Variants in KISS1 observed in about 807,000 individuals in gnomAD.
KISS1 encodes metastasis-suppressor KiSS-1.
For missense variants in KISS1, 182 were observed against 182.7 expected (o/e 1.00, Z 0.02); for synonymous variants, 97 against 88.7 (o/e 1.09, Z -0.52).
At chr1:204,191,034 TA>T (rs1658734928) in intron 2 of KISS1, among the ~76,000 whole-genome samples, 3 of 152,122 alleles carry the variant, frequency 2.0e-5, no homozygotes. Flanking sequence ...ATAACTCTCA[TA>T]TTACGTTACT....
chr1:204,190,426 C>CCCCCCCCCCT lies in KISS1; in HGVS notation c.*57_*58insAGGGGGGGGG. 1.1e-6 allele frequency: 1 copy of CCCCCCCCCCT among 950,718 alleles called. No individual in the cohort carries two copies. The highest frequency in any genetic ancestry group is 1.4e-5 in the South Asian group (1 of 72,320). 58.9% of individuals were successfully genotyped at this position (950,718 alleles called of 1,614,324 possible). ...GCCCTACGTCCCCGCCCCCCGCCCCCGCCCCGCATGCTCTGACTCCTTTGG... is the reference window on the plus strand; with the variant it reads ...GCCCTACGTCCCCGCCCCCCGCCCCCCCCCCCCCCTGCCCCGCATGCTCTGACTCCTTTGG... On this transcript the variant is annotated 3_prime_UTR_variant, in exon 3 of 3. Coordinates refer to ENST00000367194, the MANE Select transcript of KISS1 (RefSeq NM_002256.4).
intron 1 of KISS1, among the ~76,000 whole-genome samples, chr1:204,195,860 C>T (rs1658849839): frequency 6.6e-6 from 1 of 152,156 alleles, no homozygotes; most frequent in Admixed American, 6.5e-5. Context: ...TTTGTGGTTC[C>T]CTCCACCCTG....
At chr1:204,195,407 GCACA>G (rs1262167849) in intron 1 of KISS1, among the ~76,000 whole-genome samples, 1 of 30,760 alleles carries the variant, frequency 3.3e-5, no homozygotes, top group Non-Finnish European at 6.8e-5. Context: ...CACCACACAC[GCACA>G]CACACCACAC....
rs1342697704 is a variant in KISS1, at chr1:204,190,797, C to T, written c.104G>A (p.Gly35Asp). 11 of 1,610,326 alleles carry T rather than the reference C, an allele frequency of 6.8e-6. No homozygotes were observed. In the Admixed American group the frequency reaches 1.8e-4, roughly 27 times the overall value. ...VASVGNSRPT[G>D]QQLESLGLLA... ...GAGGCCCAGGGATTCTAGCTGCTGG[C>T]CTAGGACAGAGGGCACAGAAAGATG... Residue 35 changes from glycine to aspartate, a missense_variant and splice_region_variant, in exon 3 of 3, where the codon GGC becomes GAC. By Grantham distance (94) the Gly-to-Asp change is moderately conservative (BLOSUM62 -1). Transcript: ENST00000367194.
At chr1:204,191,125 T>C (rs1658736057) in intron 2 of KISS1, among the ~76,000 whole-genome samples, 1 of 152,238 alleles carries the variant, frequency 6.6e-6, no homozygotes, top group African/African-American at 2.4e-5. Context: ...TCTGGGCCCC[T>C]TCCTGGCTGT....
rs1208691824 is a variant in KISS1 at position 204,192,938 on chromosome 1, G to A, written c.-38-24C>T. ...GGCTGAGACAGAGAGAGGGAACAAA[G>A]ACTAGGTCAGGCACAGGATCTGGGC... On this transcript the variant is annotated intron_variant, in intron 1 of 2. Transcript: ENST00000367194. This position sits in a 1 kb window ranked among gnomAD's most constrained non-coding sequence, Gnocchi z 4.2. The A allele has an allele frequency of 1.1e-5, 12 of 1,137,610 alleles. No individual in the cohort carries two copies. Among genetic ancestry groups the A allele is most frequent in the African/African-American group, 1.5e-5 (1 of 65,186 alleles). The allele number at this position is 1,137,610 out of a possible 1,614,324, so 70.5% of individuals were successfully genotyped here. A position where few individuals can be genotyped will look rare whatever the true frequency, so the allele number is the denominator to read the frequency against.
In KISS1 at chr1:204,192,909, T is replaced by C; in HGVS notation, c.-33A>G. 2 of 1,430,172 alleles carry C rather than the reference T, an allele frequency of 1.4e-6. No individual in the cohort carries two copies. The allele number at this position is 1,430,172 out of a possible 1,614,324, so 88.6% of individuals were successfully genotyped here. ...AGAAGAGGCAGGTCCTAGAAGTGCC[T>C]TGAGGCTGAGACAGAGAGAGGGAAC... On this transcript the variant is annotated 5_prime_UTR_variant, in exon 2 of 3. Transcript: ENST00000367194. The surrounding 1 kb of genome is among the most constrained non-coding windows in gnomAD (Gnocchi z 4.2).
chr1:204,190,409 T>TTCCCCCCCCC lies in KISS1; in HGVS notation c.*74_*75insGGGGGGGGGA. ...CAGCGCCCCCTCCCTTAGCCCTACG[T>TTCCCCCCCCC]CCCCGCCCCCCGCCCCCGCCCCGCA... On this transcript the variant is annotated 3_prime_UTR_variant, in exon 3 of 3. Coordinates refer to ENST00000367194, the MANE Select transcript of KISS1 (RefSeq NM_002256.4). 4 of 570,134 alleles carry TTCCCCCCCCC rather than the reference T, an allele frequency of 7.0e-6. No homozygotes were observed. Among genetic ancestry groups the TTCCCCCCCCC allele is most frequent in the Admixed American group, 2.5e-5 (1 of 40,486 alleles). The allele number at this position is 570,134 out of a possible 1,614,324, so 35.3% of individuals were successfully genotyped here.
chr1:204,190,639 C>T lies in KISS1; in HGVS notation c.262G>A (p.Ala88Thr), dbSNP rs1233461968. The stretch of plus-strand genomic sequence containing the variant: ...GCGGGGATCTGGCGGCTGTGGGGGG[C>T]GGACAGGCCCGGCTGCTGGGGGCTC... ...SGSPQQPGLS[A>T]PHSRQIPAPQ... Residue 88 changes from alanine to threonine, a missense_variant, in exon 3 of 3, where the codon GCC (alanine) becomes ACC (threonine). Physicochemically the swap from Ala to Thr is moderately conservative, Grantham distance 58 (BLOSUM62 0). Coordinates refer to ENST00000367194, the MANE Select transcript of KISS1 (RefSeq NM_002256.4). The T allele has an allele frequency of 1.3e-6, 2 of 1,582,180 alleles. No individual in the cohort carries two copies. The highest frequency in any genetic ancestry group is 2.3e-5 in the East Asian group (1 of 43,416).
At chr1:204,195,715 T>TCACACACACACACACA (rs36226771) in intron 1 of KISS1, among the ~76,000 whole-genome samples, 1 of 144,824 alleles carries the variant, frequency 6.9e-6, no homozygotes, top group Non-Finnish European at 1.5e-5. Context: ...TACACACATA[T>TCACACACACACACACA]CACACACACA....
At chr1:204,195,263 C>CACCCAT (rs1658826317) in intron 1 of KISS1, among the ~76,000 whole-genome samples, 1 of 7,918 alleles carries the variant, frequency 1.3e-4, no homozygotes, top group Non-Finnish European at 2.7e-4. Context: ...ACACATCATA[C>CACCCAT]ACACACACAT....
At chr1:204,194,089 C>A (rs1658795856) in intron 1 of KISS1, among the ~76,000 whole-genome samples, 1 of 152,108 alleles carries the variant, frequency 6.6e-6, no homozygotes, top group South Asian at 2.1e-4. Flanking sequence ...CACACCCCCA[C>A]CCCCCATTCC....
chr1:204,195,746 C>T (rs2102331749), intron 1 of KISS1, among the ~76,000 whole-genome samples: 1 of 149,124 alleles, frequency 6.7e-6, no homozygotes, highest in South Asian at 2.1e-4. Flanking sequence ...CACACACACA[C>T]ACACACAGAT....
intron 1 of KISS1, among the ~76,000 whole-genome samples, chr1:204,193,499 G>T (rs568546917): frequency 5.9e-5 from 9 of 152,198 alleles, no homozygotes; most frequent in African/African-American, 2.2e-4. Context: ...GTTCTCTCCT[G>T]CTGTAAGAGA....
Position 204,190,428 on chromosome 1 carries a change from C to CCCCCCCCCCCCT in KISS1, c.*55_*56insAGGGGGGGGGGG. On this transcript the variant is annotated 3_prime_UTR_variant, in exon 3 of 3. Transcript: ENST00000367194. ...CCTACGTCCCCGCCCCCCGCCCCCG[C>CCCCCCCCCCCCT]CCCGCATGCTCTGACTCCTTTGGGG... 2.1e-6 allele frequency: 2 copies of CCCCCCCCCCCCT among 935,930 alleles called. No individual in the cohort carries two copies. The highest frequency in any genetic ancestry group is 1.4e-5 in the South Asian group (1 of 71,908). 58.0% of individuals were successfully genotyped at this position (935,930 alleles called of 1,614,324 possible).
chr1:204,192,952 C>T lies in KISS1; in HGVS notation c.-38-38G>A. ...GAGGGAACAAAGACTAGGTCAGGCA[C>T]AGGATCTGGGCTGGGTGCTGAGGGC... On this transcript the variant is annotated intron_variant, in intron 1 of 2. Coordinates refer to ENST00000367194, the MANE Select transcript of KISS1 (RefSeq NM_002256.4). This position sits in a 1 kb window ranked among gnomAD's most constrained non-coding sequence, Gnocchi z 4.2. The T allele has an allele frequency of 9.7e-7, 1 of 1,033,082 alleles. No individual in the cohort carries two copies. The allele number at this position is 1,033,082 out of a possible 1,614,324, so 64.0% of individuals were successfully genotyped here.
chr1:204,193,053 G>C, intron 1 of KISS1, 139 bp from the exon 2 acceptor site: 1 of 669,050 alleles, frequency 1.5e-6, no homozygotes, highest in Non-Finnish European at 2.7e-6. Flanking sequence ...GTAGAGGGAT[G>C]AGTCTAAACA....
At chr1:204,191,457 C>T (rs1336116848) in intron 2 of KISS1, among the ~76,000 whole-genome samples, 1 of 150,886 alleles carries the variant, frequency 6.6e-6, no homozygotes, top group Non-Finnish European at 1.5e-5. Flanking sequence ...TATAACTTCT[C>T]TCCTTCATTC....
In KISS1 at chr1:204,190,673, C is replaced by T. The variant is rs1658721869; in HGVS notation, c.228G>A (p.Glu76=). The T allele has an allele frequency of 1.9e-6, 3 of 1,590,134 alleles. No individual in the cohort carries two copies. The Admixed American group carries it at 5.3e-5, about 28-fold the overall frequency. The change falls in exon 3 of 3, where the codon GAG becomes GAA. Residue 76 remains glutamate, a synonymous_variant. Coordinates refer to ENST00000367194, the MANE Select transcript of KISS1 (RefSeq NM_002256.4). ...RRGTSLSPPP[E]SSGSPQQPGL... is the part of the protein sequence containing the mutation. ...CCGGCTGCTGGGGGCTCCCGGAGCT[C>T]TCGGGGGGCGGGGACAGCGAGGTCC... is the stretch of plus-strand genomic sequence containing the variant.
Sources: gnomAD v4.1 joint callset for allele counts (sites outside exome capture counted in the v4.1 genomes callset) on GRCh38, gnomAD v4.1.1 for gene constraint, Gnocchi (gnomAD v3.1) non-coding constraint, MANE v1.5 for transcripts, NCBI Gene and HGNC (gene_info 2026-07-23, HGNC 2026-07-21) for gene names.